Variants in WSB2 observed in about 807,000 individuals in gnomAD.
WSB2 encodes the protein WD repeat and SOCS box-containing protein 2.
In WSB2, 12 loss-of-function variants were observed where a neutral mutation model predicts 48.8. The ratio of observed to expected loss-of-function variants is 0.25; its 90% CI spans 0.16 to 0.40. The LOEUF is 0.40. Ranked by LOEUF, WSB2 falls within the 10% of genes least tolerant of loss-of-function variation. The pLI, the probability that WSB2 is intolerant of heterozygous loss-of-function variation, is 1.00. For missense variants in WSB2, 317 were observed against 506.2 expected, an observed-to-expected ratio of 0.63 and a Z score of 3.59; for synonymous variants, 191 against 203.1, an observed-to-expected ratio of 0.94 and a Z score of 0.51.
chr12:118,038,444 G>A, intron 4 of WSB2, 56 bp from the exon 5 acceptor site: 1 of 1,534,062 alleles, frequency 6.5e-7, no homozygotes, highest in South Asian at 1.2e-5. Context: ...AGGAAGACTG[G>A]AGAACGGGAG....
At chr12:118,048,793 AT>A (rs1193239908) in intron 2 of WSB2, among the ~76,000 whole-genome samples, 3 of 152,310 alleles carry the variant, frequency 2.0e-5, no homozygotes, top group African/African-American at 7.2e-5. Flanking sequence ...ATTTAAATTT[AT>A]GGTTTGTTCA....
At chr12:118,034,584 T>TCTCTCTCTCTCTC in intron 8 of WSB2, 1 of 521,408 alleles carries the variant, frequency 1.9e-6, no homozygotes, top group Non-Finnish European at 3.3e-6. Context: ...GCTCTCTCTG[T>TCTCTCTCTCTCTC]CTCTCTCTCG....
rs796232418 is a variant in WSB2, at chr12:118,045,714, G to GA, written c.183-2338dup. Among the ~76,000 whole-genome samples, 368 of 72,020 alleles carry GA rather than the reference G, an allele frequency of 5.1e-3. 1 individual carries two copies. The highest frequency in any genetic ancestry group is 6.3e-3 in the Non-Finnish European group (191 of 30,330). 47.2% of individuals were successfully genotyped at this position (72,020 alleles called of 152,430 possible). On this transcript the variant is annotated intron_variant, in intron 2 of 8. Coordinates refer to ENST00000315436, the MANE Select transcript of WSB2 (RefSeq NM_018639.5). ...TGACAGAGTCAGACACTGTCTCAAA[G>GA]AAAAAAAAAAAAAAAAGGTCTACAC...
chr12:118,054,217 C>CAAAAAAAAAAAAAAA (rs61421772), intron 1 of WSB2, among the ~76,000 whole-genome samples: 4 of 56,054 alleles, frequency 7.1e-5, no homozygotes, highest in East Asian at 4.6e-4. Context: ...ACTAAAAATC[C>CAAAAAAAAAAAAAAA]AAAAAAAAAA....
upstream of WSB2, among the ~76,000 whole-genome samples, chr12:118,061,750 C>T (rs1436057950): frequency 7.7e-6 from 1 of 130,600 alleles, no homozygotes; most frequent in Non-Finnish European, 1.6e-5. Context: ...CATGCGAAGG[C>T]CGATGAGGGG....
intron 2 of WSB2, among the ~76,000 whole-genome samples, chr12:118,046,466 CAAAA>C (rs57540760): frequency 4.4e-5 from 5 of 113,184 alleles, no homozygotes; most frequent in Admixed American, 8.7e-5. Context: ...GACTCCATCT[CAAAA>C]AAAAAAAAAA....
upstream of WSB2, among the ~76,000 whole-genome samples, chr12:118,061,668 G>C (rs977315604): frequency 6.7e-6 from 1 of 150,006 alleles, no homozygotes; most frequent in African/African-American, 2.5e-5. Context: ...GAGGGAGACC[G>C]AGGGCTGTGG....
At chr12:118,055,963 G>T (rs1304016052) in intron 1 of WSB2, among the ~76,000 whole-genome samples, 2 of 150,840 alleles carry the variant, frequency 1.3e-5, no homozygotes, top group Non-Finnish European at 2.9e-5. Context: ...GTTCTATCAA[G>T]TCTGTTTACA....
Position 118,036,185 on chromosome 12 carries a change from G to C in WSB2, c.833+153C>G. 1.5e-5 allele frequency: 14 copies of C among 924,258 alleles called. No individual in the cohort carries two copies. The South Asian group carries it at 2.4e-4, about 16-fold the overall frequency. 57.3% of individuals were successfully genotyped at this position (924,258 alleles called of 1,614,324 possible). A position where few individuals can be genotyped will look rare whatever the true frequency, so the allele number is the denominator to read the frequency against. ...CCACTGCACTCCAGCCTGGGTGACA[G>C]AGCGAGACTCCGTCTCAAAAGAGAC... On this transcript the variant is annotated intron_variant, in intron 6 of 8. Transcript: ENST00000315436.
chr12:118,052,315 C>T lies in WSB2; in HGVS notation c.177G>A (p.Glu59=). ...IVKLIPWPLE[E]QFIPKGFEAK... ...CCCAGTACGAGAATACTTACAACTG[C>T]TCCTCCAACGGCCAGGGGATCAGTT... Residue 59 remains glutamate, a synonymous_variant, in exon 2 of 9, where the codon GAG becomes GAA. Transcript: ENST00000315436. 6.2e-7 allele frequency: 1 copy of T among 1,613,910 alleles called. No homozygotes were observed. Among genetic ancestry groups the T allele is most frequent in the Non-Finnish European group, 8.5e-7 (1 of 1,179,796 alleles).
chr12:118,054,678 AAAAAAT>A (rs1384921706), intron 1 of WSB2, among the ~76,000 whole-genome samples: 124 of 130,048 alleles, frequency 9.5e-4, no homozygotes, highest in African/African-American at 3.4e-3. Context: ...ACTCTGTCTC[AAAAAAT>A]AATAATAATA....
intron 2 of WSB2, among the ~76,000 whole-genome samples, chr12:118,045,281 C>T (rs944656440): frequency 2.6e-5 from 4 of 151,652 alleles, no homozygotes; most frequent in Non-Finnish European, 4.4e-5. Context: ...AGGAGAATGG[C>T]GTGAACCCGG....
intron 2 of WSB2, among the ~76,000 whole-genome samples, chr12:118,049,436 C>T (rs2137787973): frequency 6.6e-6 from 1 of 151,764 alleles, no homozygotes; most frequent in Non-Finnish European, 1.5e-5. Context: ...GAATCTCGCT[C>T]TGTTACCCAG....
chr12:118,039,950 T>C (rs1444705701), intron 4 of WSB2, among the ~76,000 whole-genome samples: 3 of 152,022 alleles, frequency 2.0e-5, no homozygotes, highest in African/African-American at 7.2e-5. Context: ...TTCACCATGT[T>C]GGCTAGGCTG....
chr12:118,036,560 AC>A, intron 5 of WSB2, 50 bp from the exon 6 acceptor site: 1 of 1,541,104 alleles, frequency 6.5e-7, no homozygotes, highest in Non-Finnish European at 8.8e-7. Context: ...AGTGCTTAGG[AC>A]TCAAACGGAG....
rs12319850 is a variant in WSB2 at position 118,034,826 on chromosome 12, C to T, written c.1052+160G>A. 906 of 661,460 alleles carry T rather than the reference C, an allele frequency of 1.4e-3. 3 individuals carry two copies. In the African/African-American group the frequency reaches 0.014, roughly 10 times the overall value. 41.0% of individuals were successfully genotyped at this position (661,460 alleles called of 1,614,324 possible). A position where few individuals can be genotyped will look rare whatever the true frequency, so the allele number is the denominator to read the frequency against. On this transcript the variant is annotated intron_variant, in intron 8 of 8. Transcript: ENST00000315436. Reference sequence around the variant, plus strand: ...TAAATATTCAGAGAAAATGGGACACCGTTATTAGCAAAATCGATCATTTGA... The same window carrying T: ...TAAATATTCAGAGAAAATGGGACACTGTTATTAGCAAAATCGATCATTTGA...
At chr12:118,051,763 C>T (rs373493543) in intron 2 of WSB2, among the ~76,000 whole-genome samples, 2 of 152,352 alleles carry the variant, frequency 1.3e-5, no homozygotes, top group South Asian at 2.1e-4. Context: ...CACTTGAGGT[C>T]AGGAGTTTGA....
upstream of WSB2, chr12:118,061,969 A>G: frequency 1.2e-6 from 1 of 849,876 alleles, no homozygotes; most frequent in Non-Finnish European, 1.8e-6. Context: ...GGCTCCGGTA[A>G]TGGGAGAGGG....
upstream of WSB2, chr12:118,061,985 A>T: frequency 1.0e-6 from 1 of 992,748 alleles, no homozygotes; most frequent in African/African-American, 1.8e-5. Context: ...GAGGGAAGTG[A>T]GGAGAACACG....
Sources: allele counts gnomAD v4.1 joint callset (sites outside exome capture counted in the v4.1 genomes callset), GRCh38; gene constraint gnomAD v4.1.1; transcripts MANE v1.5; gene names NCBI Gene and HGNC (gene_info 2026-07-23, HGNC 2026-07-21).